Variants in KLF7 observed in about 807,000 individuals in gnomAD.
KLF7 encodes KLF transcription factor 7.
KLF7 carries 2 observed loss-of-function variants against 27.3 expected under a neutral mutation model. That is an observed-to-expected ratio of 0.07 (90% confidence interval 0.03 to 0.23). The LOEUF is 0.23. Ranked by LOEUF, KLF7 falls within the 10% of genes least tolerant of loss-of-function variation. The pLI is 1.00. For missense variants in KLF7, 221 were observed against 394.1 expected (o/e 0.56, Z 3.72); for synonymous variants, 165 against 162.4 (o/e 1.02, Z -0.12).
intron 2 of KLF7, among the ~76,000 whole-genome samples, chr2:207,090,377 T>C (rs534359124): frequency 6.6e-6 from 1 of 152,348 alleles, no homozygotes; most frequent in Admixed American, 6.5e-5. Context: ...TCAGCCTACT[T>C]GGGATCTTGC....
intron 1 of KLF7, among the ~76,000 whole-genome samples, chr2:207,135,252 A>G (rs1324149404): frequency 6.6e-6 from 1 of 152,104 alleles, no homozygotes; most frequent in Non-Finnish European, 1.5e-5. Context: ...ACTGAACAGT[A>G]AGAAAAGCTC....
chr2:207,092,600 A>G (rs188588875), intron 2 of KLF7, among the ~76,000 whole-genome samples: 27 of 152,358 alleles, frequency 1.8e-4, no homozygotes, highest in Admixed American at 4.6e-4. Flanking sequence ...AGAGAGGTTA[A>G]ATCACGTCAA....
intron 1 of KLF7, among the ~76,000 whole-genome samples, chr2:207,132,015 G>C (rs892696391): frequency 3.9e-5 from 6 of 152,200 alleles, no homozygotes; most frequent in Admixed American, 3.3e-4. Flanking sequence ...CACCTTGGGA[G>C]ACCTAGAGAG....
chr2:207,115,966 A>T (rs1331042451), intron 2 of KLF7, among the ~76,000 whole-genome samples: 1 of 152,224 alleles, frequency 6.6e-6, no homozygotes, highest in Non-Finnish European at 1.5e-5. Flanking sequence ...AGAAAGTGAC[A>T]GAGTACAGGA....
intron 1 of KLF7, among the ~76,000 whole-genome samples, chr2:207,155,915 A>T (rs1650194869): frequency 6.6e-6 from 1 of 152,180 alleles, no homozygotes; most frequent in Admixed American, 6.5e-5. Context: ...CGCCTCTCCA[A>T]AAATAAGCAC....
intron 1 of KLF7, among the ~76,000 whole-genome samples, chr2:207,136,360 T>C (rs2269073): frequency 0.29 from 43,603 of 151,990 alleles, 6,556 homozygotes; most frequent in Middle Eastern, 0.38. Context: ...ACTTCTCGCA[T>C]AAATGCCCCC....
intron 2 of KLF7, among the ~76,000 whole-genome samples, chr2:207,116,345 C>T (rs2077186533): frequency 6.6e-6 from 1 of 152,188 alleles, no homozygotes; most frequent in Non-Finnish European, 1.5e-5. Flanking sequence ...AATTATTTTT[C>T]ATCTGTCCTT....
At chr2:207,111,944 G>C (rs1450482688) in intron 2 of KLF7, among the ~76,000 whole-genome samples, 1 of 151,954 alleles carries the variant, frequency 6.6e-6, no homozygotes, top group Non-Finnish European at 1.5e-5. Context: ...AAACTCCCCA[G>C]ACTTCTTTGA....
Position 207,142,180 on chromosome 2 carries a change from T to A in KLF7, c.103-17776A>T, listed in dbSNP as rs76119285. Among the ~76,000 whole-genome samples the A allele has an allele frequency of 7.2e-5, 11 of 152,326 alleles. No individual in the cohort carries two copies. In the East Asian group the frequency reaches 1.4e-3, roughly 19 times the overall value. ...ATAAATACTTCTTCAATGAATTTTT[T>A]AAAAATCTTGATTAGGAGCTACTAT... On this transcript the variant is annotated intron_variant, in intron 1 of 3. Transcript: ENST00000309446.
chr2:207,110,779 T>C (rs746162713), intron 2 of KLF7, among the ~76,000 whole-genome samples: 27 of 152,162 alleles, frequency 1.8e-4, no homozygotes, highest in Non-Finnish European at 3.4e-4. Flanking sequence ...TTCCATTTAG[T>C]CAATATTGTT....
chr2:207,132,495 T>C (rs187664902), intron 1 of KLF7, among the ~76,000 whole-genome samples: 2 of 152,296 alleles, frequency 1.3e-5, no homozygotes, highest in Admixed American at 6.5e-5. Flanking sequence ...AAAGAAAATA[T>C]TTGTTTGCAT....
chr2:207,123,757 C>T lies in KLF7; in HGVS notation c.733+17G>A. ...AGGGGAAAGAAGAAACCACGTGCGG[C>T]CAACTTGTACCACTACCTGTGTGAG... On this transcript the variant is annotated intron_variant, in intron 2 of 3. Coordinates refer to ENST00000309446, the MANE Select transcript of KLF7 (RefSeq NM_003709.4). 1 of 1,599,066 alleles carries T rather than the reference C, an allele frequency of 6.3e-7. No individual in the cohort carries two copies. Among genetic ancestry groups the T allele is most frequent in the Non-Finnish European group, 8.5e-7 (1 of 1,172,050 alleles).
intron 1 of KLF7, among the ~76,000 whole-genome samples, chr2:207,131,720 C>T (rs2077641827): frequency 6.6e-6 from 1 of 152,222 alleles, no homozygotes; most frequent in African/African-American, 2.4e-5. Flanking sequence ...GATTCTGACA[C>T]ATTCCTAGGC....
At chr2:207,144,435 C>G (rs1236071773) in intron 1 of KLF7, among the ~76,000 whole-genome samples, 6 of 152,150 alleles carry the variant, frequency 3.9e-5, no homozygotes, top group Non-Finnish European at 7.4e-5. Context: ...TTCACCAGAA[C>G]GAAATAATAG....
At chr2:207,131,296 T>C (rs2077627147) in intron 1 of KLF7, among the ~76,000 whole-genome samples, 1 of 152,218 alleles carries the variant, frequency 6.6e-6, no homozygotes, top group Non-Finnish European at 1.5e-5. Flanking sequence ...ATGGGAGCCC[T>C]TTCTGACATT....
intron 2 of KLF7, among the ~76,000 whole-genome samples, chr2:207,123,354 T>C (rs765001099): frequency 2.6e-5 from 4 of 152,172 alleles, no homozygotes; most frequent in Non-Finnish European, 4.4e-5. Context: ...AAAGAGTGAA[T>C]AGGGACACCC....
chr2:207,096,803 A>G (rs1197429622), intron 2 of KLF7, among the ~76,000 whole-genome samples: 2 of 152,228 alleles, frequency 1.3e-5, no homozygotes, highest in Non-Finnish European at 1.5e-5. Context: ...ATGCTCAGAT[A>G]ATACACTTAT....
At chr2:207,171,999 C>T (rs781099041), upstream of KLF7, among the ~76,000 whole-genome samples, 20 of 152,040 alleles carry the variant, frequency 1.3e-4, no homozygotes, top group Non-Finnish European at 7.4e-5. Context: ...GGTAAAGCAC[C>T]GGTTGGGGCC....
intron 3 of KLF7, among the ~76,000 whole-genome samples, chr2:207,085,258 T>C (rs1416807479): frequency 7.1e-6 from 1 of 140,544 alleles, no homozygotes. Flanking sequence ...GAGGCTAAGA[T>C]ACGGGCTGGT....
Sources: gnomAD v4.1 joint callset for allele counts (sites outside exome capture counted in the v4.1 genomes callset) on GRCh38, gnomAD v4.1.1 for gene constraint, MANE v1.5 for transcripts, NCBI Gene and HGNC (gene_info 2026-07-23, HGNC 2026-07-21) for gene names.